The following PFKFB3 variants were observed in gnomAD, a reference collection of about 807,000 sequenced individuals.
The protein encoded by PFKFB3 is 6-phosphofructo-2-kinase/fructose-2,6-bisphosphatase 3.
In PFKFB3, 33 loss-of-function variants were observed where a neutral mutation model predicts 68.0. That is an observed-to-expected ratio of 0.49 (90% confidence interval 0.37 to 0.65). The LOEUF (loss-of-function observed/expected upper bound fraction) is 0.65, where lower values mean the gene tolerates loss of function less well. Ranked by LOEUF, PFKFB3 falls within the 30% of genes least tolerant of loss-of-function variation. The pLI is 0.00. For synonymous variants in PFKFB3, 315 were observed against 288.2 expected (o/e 1.09, Z -0.94); for missense variants, 586 against 712.2 (o/e 0.82, Z 2.02).
intron 6 of PFKFB3, among the ~76,000 whole-genome samples, 177 bp downstream of exon 6, chr10:6,217,368 G>A (rs1218691100): frequency 1.3e-5 from 2 of 152,228 alleles, no homozygotes; most frequent in African/African-American, 4.8e-5. Flanking sequence ...TTAACCCAGA[G>A]GCCTGTCCTG....
chr10:6,148,088 C>G (rs1841454707), intron 1 of PFKFB3, among the ~76,000 whole-genome samples: 1 of 152,240 alleles, frequency 6.6e-6, no homozygotes, highest in Non-Finnish European at 1.5e-5. Context: ...CCAGCACACG[C>G]TAGGTACCAG....
At chr10:6,208,060 AAGAC>A (rs1401932901) in intron 1 of PFKFB3, among the ~76,000 whole-genome samples, 7 of 152,114 alleles carry the variant, frequency 4.6e-5, no homozygotes, top group Non-Finnish European at 7.4e-5. Flanking sequence ...CAACAGGTAA[AAGAC>A]AGCCTTTTAA....
chr10:6,192,139 T>TACACACAC (rs60638987), intron 1 of PFKFB3, among the ~76,000 whole-genome samples: 3,052 of 119,094 alleles, frequency 0.026, 80 homozygotes, highest in South Asian at 0.032. Flanking sequence ...CATTCCCCAA[T>TACACACAC]ACACACACAC....
intron 4 of PFKFB3, 30 bp downstream of exon 4, chr10:6,216,221 G>A (rs1452545362): frequency 6.3e-7 from 1 of 1,599,168 alleles, no homozygotes; most frequent in Admixed American, 1.7e-5. Flanking sequence ...CCGGCTCGGT[G>A]TCCAGTCCCA....
chr10:6,287,241 C>T, the PFKFB3 span, among the ~76,000 whole-genome samples: 1 of 152,020 alleles, frequency 6.6e-6, no homozygotes, highest in South Asian at 2.1e-4. Context: ...CACCTGTCAC[C>T]ATCATGCCCA....
chr10:6,163,305 G>T (rs1462503777), intron 1 of PFKFB3, among the ~76,000 whole-genome samples: 1 of 152,188 alleles, frequency 6.6e-6, no homozygotes, highest in East Asian at 1.9e-4. Flanking sequence ...AATATTTTAT[G>T]TTCCCTCCCT....
At chr10:6,195,893 G>A (rs895629639) in intron 1 of PFKFB3, among the ~76,000 whole-genome samples, 10 of 152,132 alleles carry the variant, frequency 6.6e-5, no homozygotes, top group Admixed American at 3.3e-4. Context: ...GGTGAGGCCC[G>A]TCACTACTTA....
chr10:6,307,292 A>ACATG, the PFKFB3 span, among the ~76,000 whole-genome samples: 1 of 151,390 alleles, frequency 6.6e-6, no homozygotes, highest in South Asian at 2.1e-4. Flanking sequence ...CCACACACAC[A>ACATG]CATGCATGCA....
chr10:6,242,046 A>G (rs998238677), intron 14 of PFKFB3, among the ~76,000 whole-genome samples: 16 of 151,520 alleles, frequency 1.1e-4, no homozygotes, highest in African/African-American at 3.4e-4. Context: ...GGGTGTCACT[A>G]TTTTGCCCAG....
the PFKFB3 span, among the ~76,000 whole-genome samples, chr10:6,281,176 TATATATAC>T: frequency 3.1e-5 from 4 of 129,198 alleles, no homozygotes; most frequent in African/African-American, 1.0e-4. Flanking sequence ...CATATATATA[TATATATAC>T]ACCACAGTTT....
chr10:6,302,827 A>G, the PFKFB3 span, among the ~76,000 whole-genome samples: 1 of 151,524 alleles, frequency 6.6e-6, no homozygotes, highest in Non-Finnish European at 1.5e-5. Flanking sequence ...TGTGTGTTTT[A>G]TGTGATCTTT....
Position 6,221,430 on chromosome 10 carries a change from T to A in PFKFB3, c.881T>A (p.Leu294Gln). The A allele has an allele frequency of 6.2e-7, 1 of 1,613,850 alleles. No homozygotes were observed. Among genetic ancestry groups the A allele is most frequent in the Non-Finnish European group, 8.5e-7 (1 of 1,180,008 alleles). ...GTGGAGGAGCAGAACCTGAAGGACC[T>A]GCGCGTGTGGACCAGCCAGCTGAAG... ...KFVEEQNLKD[L>Q]RVWTSQLKST... is the part of the protein sequence containing the mutation. The change falls in exon 9 of 15, where the codon CTG becomes CAG. Residue 294 changes from leucine (L) to glutamine (Q), a missense_variant. By Grantham distance (113) the Leu-to-Gln change is moderately radical (BLOSUM62 -2). Transcript: ENST00000379775.
At chr10:6,303,798 T>TA in the PFKFB3 span, among the ~76,000 whole-genome samples, 73,817 of 120,418 alleles carry the variant, frequency 0.61, 22,654 homozygotes, top group Non-Finnish European at 0.71. Context: ...AGAGTCCATC[T>TA]AAAAAAAAAA....
intron 14 of PFKFB3, among the ~76,000 whole-genome samples, chr10:6,253,440 C>T (rs1345205726): frequency 1.3e-5 from 2 of 152,034 alleles, no homozygotes; most frequent in Non-Finnish European, 2.9e-5. Flanking sequence ...TTGAGGTGAA[C>T]GAGTCACCAG....
the PFKFB3 span, among the ~76,000 whole-genome samples, chr10:6,262,107 T>G: frequency 6.6e-6 from 1 of 150,546 alleles, no homozygotes. Flanking sequence ...ATGACATGAG[T>G]TTACCTACCT....
At chr10:6,176,632 T>G (rs1842482966) in intron 1 of PFKFB3, among the ~76,000 whole-genome samples, 1 of 152,214 alleles carries the variant, frequency 6.6e-6, no homozygotes, top group African/African-American at 2.4e-5. Context: ...GCAATCCTCC[T>G]GCCTTGGCCA....
At chr10:6,289,397 G>A in the PFKFB3 span, among the ~76,000 whole-genome samples, 1 of 151,986 alleles carries the variant, frequency 6.6e-6, no homozygotes, top group East Asian at 1.9e-4. Flanking sequence ...TGTAAGGAAG[G>A]GATCCAGTTT....
At chr10:6,326,359 G>A in the PFKFB3 span, among the ~76,000 whole-genome samples, 45 of 152,094 alleles carry the variant, frequency 3.0e-4, no homozygotes, top group East Asian at 7.7e-4. Context: ...CCTACGTGAC[G>A]GGTTGATAGG....
At chr10:6,189,137 C>T (rs991831831) in intron 1 of PFKFB3, among the ~76,000 whole-genome samples, 8 of 152,252 alleles carry the variant, frequency 5.3e-5, no homozygotes, top group Admixed American at 2.6e-4. Flanking sequence ...CCGCACCTGG[C>T]GATTTCCTTC....
Sources: gnomAD v4.1 joint callset for allele counts (sites outside exome capture counted in the v4.1 genomes callset) on GRCh38, gnomAD v4.1.1 for gene constraint, MANE v1.5 for transcripts, NCBI Gene and HGNC (gene_info 2026-07-23, HGNC 2026-07-21) for gene names.